SYTL3: variants seen among roughly 807,000 people sequenced by gnomAD.
SYTL3 encodes the protein synaptotagmin-like protein 3.
A neutral mutation model predicts 82.1 loss-of-function variants in SYTL3; 88 were observed. The ratio of observed to expected loss-of-function variants is 1.07; its 90% CI spans 0.90 to 1.28. SYTL3 has a LOEUF of 1.28. Among genes scored for constraint, SYTL3 ranks in the 50% most tolerant of loss-of-function variants. The pLI is 0.00. For synonymous variants in SYTL3, 311 were observed against 289.4 expected, an observed-to-expected ratio of 1.07 and a Z score of -0.76; for missense variants, 831 against 757.6, an observed-to-expected ratio of 1.10 and a Z score of -1.14.
chr6:158,755,571 A>G (rs757635797), intron 13 of SYTL3, among the ~76,000 whole-genome samples: 2 of 152,162 alleles, frequency 1.3e-5, no homozygotes, highest in Non-Finnish European at 1.5e-5. Context: ...GCAGCCCCCA[A>G]CAGAGCAGGG....
In SYTL3 at chr6:158,762,068, C is replaced by T. The variant is rs761658057; in HGVS notation, c.1415-8C>T. On this transcript the variant is annotated splice_polypyrimidine_tract_variant and splice_region_variant and intron_variant, in intron 15 of 17. Coordinates refer to ENST00000611299, the MANE Select transcript of SYTL3 (RefSeq NM_001242394.2). ...TGGTTTGACAGTGAATACTGGCTTT[C>T]CTTCCAGGGACAGATCAGCCATCAC... 6.4e-5 allele frequency: 103 copies of T among 1,605,748 alleles called. No homozygotes were observed. The highest frequency in any genetic ancestry group is 8.4e-5 in the Non-Finnish European group (98 of 1,173,288).
At chr6:158,669,295 T>A (rs1391226335) in intron 5 of SYTL3, among the ~76,000 whole-genome samples, 1 of 152,040 alleles carries the variant, frequency 6.6e-6, no homozygotes, top group African/African-American at 2.4e-5. Context: ...CCCTTAAGAT[T>A]GCTGAGGAAT....
At chr6:158,713,641 A>C (rs1316429087) in intron 8 of SYTL3, among the ~76,000 whole-genome samples, 159 bp from the exon 9 acceptor site, 1 of 152,112 alleles carries the variant, frequency 6.6e-6, no homozygotes, top group Non-Finnish European at 1.5e-5. Context: ...CCAGGCCTGC[A>C]TGCACACACC....
chr6:158,737,137 T>TTACC (rs762916563), intron 11 of SYTL3, among the ~76,000 whole-genome samples: 22 of 152,206 alleles, frequency 1.4e-4, no homozygotes, highest in Non-Finnish European at 2.5e-4. Flanking sequence ...ATCACTAAGC[T>TTACC]TACCATGCAT....
chr6:158,739,188 A>G (rs1562446630), intron 11 of SYTL3, among the ~76,000 whole-genome samples: 1 of 152,172 alleles, frequency 6.6e-6, no homozygotes, highest in Non-Finnish European at 1.5e-5. Flanking sequence ...TATTGTAACT[A>G]CTTTTTTCTC....
chr6:158,744,823 A>G (rs987379361), intron 11 of SYTL3, among the ~76,000 whole-genome samples: 25 of 152,334 alleles, frequency 1.6e-4, no homozygotes, highest in African/African-American at 6.0e-4. Flanking sequence ...GTGCTAATTA[A>G]TAACATTCAT....
intron 6 of SYTL3, among the ~76,000 whole-genome samples, chr6:158,687,631 T>C (rs1471212154): frequency 1.1e-4 from 17 of 152,240 alleles, no homozygotes; most frequent in Admixed American, 1.1e-3. Context: ...TTGACTCCTT[T>C]GTTCCTCATT....
intron 6 of SYTL3, among the ~76,000 whole-genome samples, chr6:158,702,628 A>G (rs2128444463): frequency 6.6e-6 from 1 of 152,068 alleles, no homozygotes; most frequent in African/African-American, 2.4e-5. Flanking sequence ...CCGGCTTTGT[A>G]TTAGGAAAAT....
At chr6:158,709,389 A>G (rs993873838) in intron 8 of SYTL3, among the ~76,000 whole-genome samples, 20 of 152,242 alleles carry the variant, frequency 1.3e-4, no homozygotes, top group African/African-American at 4.8e-4. Context: ...TATTAATAAT[A>G]CAAAATAGAA....
At chr6:158,753,077 CTTT>C (rs34396644) in intron 13 of SYTL3, among the ~76,000 whole-genome samples, 5 of 99,098 alleles carry the variant, frequency 5.0e-5, no homozygotes, top group Non-Finnish European at 5.9e-5. Flanking sequence ...TTCTTCTTTT[CTTT>C]TTTTTTTTTT....
At chr6:158,720,812 G>T (rs926989111) in intron 10 of SYTL3, among the ~76,000 whole-genome samples, 1 of 152,186 alleles carries the variant, frequency 6.6e-6, no homozygotes, top group Non-Finnish European at 1.5e-5. Context: ...AGAGCTAGGT[G>T]AAGCCTGCTC....
chr6:158,646,157 CATTCT>C (rs141713536), upstream of SYTL3, among the ~76,000 whole-genome samples: 909 of 152,188 alleles, frequency 6.0e-3, 18 homozygotes, highest in Non-Finnish European at 4.6e-3. Context: ...GACAGGGTGT[CATTCT>C]GTTGCCCGGG....
chr6:158,713,961 G>T, intron 9 of SYTL3, 83 bp downstream of exon 9: 1 of 961,438 alleles, frequency 1.0e-6, no homozygotes, highest in South Asian at 1.4e-5. Context: ...CGGTGACCTC[G>T]GTTGACACTG....
chr6:158,713,819 T>G lies in SYTL3; in HGVS notation c.536T>G (p.Phe179Cys). 1 of 1,549,900 alleles carries G rather than the reference T, an allele frequency of 6.5e-7. No homozygotes were observed. Reference sequence around the variant, plus strand: ...TTTTAGTTACAGGAATTTGGTCAGTTTAGAGGATTTAATAAGTCCGTGGAA... The same window carrying G: ...TTTTAGTTACAGGAATTTGGTCAGTGTAGAGGATTTAATAAGTCCGTGGAA... ...SPGRLQEFGQ[F>C]RGFNKSVENL... The change falls in exon 9 of 18, where the codon TTT becomes TGT. Residue 179 changes from phenylalanine (F) to cysteine (C), a missense_variant. Coordinates refer to ENST00000611299, the MANE Select transcript of SYTL3 (RefSeq NM_001242394.2).
At chr6:158,718,240 C>A in intron 10 of SYTL3, 29 bp downstream of exon 10, 2 of 1,468,096 alleles carry the variant, frequency 1.4e-6, no homozygotes, top group Non-Finnish European at 1.8e-6. Flanking sequence ...GGCCTCCACG[C>A]TGATCACCTT....
intron 8 of SYTL3, among the ~76,000 whole-genome samples, chr6:158,711,102 C>T (rs1204158841): frequency 6.6e-6 from 1 of 152,208 alleles, no homozygotes; most frequent in Non-Finnish European, 1.5e-5. Context: ...TTTGTAAGCA[C>T]ATGCTGTCCA....
chr6:158,748,285 T>G (rs568157078), intron 12 of SYTL3, among the ~76,000 whole-genome samples: 1 of 152,302 alleles, frequency 6.6e-6, no homozygotes, highest in South Asian at 2.1e-4. Context: ...CTCTGAAATT[T>G]TTAGTAGCTC....
At chr6:158,654,538 C>T (rs1788439033) in intron 2 of SYTL3, among the ~76,000 whole-genome samples, 1 of 152,138 alleles carries the variant, frequency 6.6e-6, no homozygotes. Context: ...GCTTAACTTC[C>T]TACTCTTGGG....
intron 5 of SYTL3, among the ~76,000 whole-genome samples, chr6:158,682,381 A>T (rs1778800190): frequency 1.2e-5 from 1 of 81,606 alleles, no homozygotes; most frequent in Admixed American, 1.3e-4. Flanking sequence ...TTTTTTTGAG[A>T]CGGAGTCTGG....
Sources: allele counts gnomAD v4.1 joint callset (sites outside exome capture counted in the v4.1 genomes callset), GRCh38; gene constraint gnomAD v4.1.1; transcripts MANE v1.5; gene names NCBI Gene and HGNC (gene_info 2026-07-23, HGNC 2026-07-21).